The following GPRIN2 variants were observed in gnomAD, a reference collection of about 807,000 sequenced individuals.
GPRIN2 encodes the protein G protein regulated inducer of neurite outgrowth 2.
GPRIN2 carries 1 observed loss-of-function variant against 0.3 expected under a neutral mutation model. The ratio of observed to expected loss-of-function variants is 3.90; its 90% confidence interval spans 1.39 to 18.51. GPRIN2 has a LOEUF of 18.51. Ranked by LOEUF, GPRIN2 falls within the 30% of genes most tolerant of loss-of-function variation. The pLI is 0.11. For missense variants in GPRIN2, 880 were observed against 604.2 expected, an observed-to-expected ratio of 1.46 and a Z score of -4.79; for synonymous variants, 361 against 258.6, an observed-to-expected ratio of 1.40 and a Z score of -3.80.
chr10:46,545,387 C>G lies in GPRIN2; in HGVS notation c.*3973G>C. Among the ~76,000 whole-genome samples the G allele has an allele frequency of 1.3e-5, 2 of 152,428 alleles. No homozygotes were observed. Among genetic ancestry groups the G allele is most frequent in the Middle Eastern group, 3.4e-3 (1 of 294 alleles). On this transcript the variant is annotated 3_prime_UTR_variant, in exon 3 of 3. Coordinates refer to ENST00000374314, the MANE Select transcript of GPRIN2 (RefSeq NM_001385282.1). ...GAGGTGGGACTGCATCCAGGGCTCC[C>G]CTTTAGGGTCTGACTTGGACTGAAA...
chr10:46,549,802 T>C lies in GPRIN2; in HGVS notation c.935A>G (p.Asp312Gly). 1 of 1,614,194 alleles carries C rather than the reference T, an allele frequency of 6.2e-7. No homozygotes were observed. Among genetic ancestry groups the C allele is most frequent in the Non-Finnish European group, 8.5e-7 (1 of 1,180,062 alleles). ...ATTGGCTGAGGTCATGGTCCACACA[T>C]CTTTGGTCCTAGAGCCAGGCTCTGG... Reference protein sequence around the residue: ...LVPEPGSRTKDVWTMTSANDL... With the variant: ...LVPEPGSRTKGVWTMTSANDL... Residue 312 changes from aspartate (D) to glycine (G), a missense_variant, in exon 3 of 3, where the codon GAT (aspartate) becomes GGT (glycine). Asp to Gly is a moderately conservative substitution (Grantham distance 94, BLOSUM62 -1). Coordinates refer to ENST00000374314, the MANE Select transcript of GPRIN2 (RefSeq NM_001385282.1).
chr10:46,545,623 G>A lies in GPRIN2; in HGVS notation c.*3737C>T, dbSNP rs990303651. On this transcript the variant is annotated 3_prime_UTR_variant, in exon 3 of 3. Coordinates refer to ENST00000374314, the MANE Select transcript of GPRIN2 (RefSeq NM_001385282.1). ...CCCAGGCAGGGTGCAAAGCTGTGGGGCGAGGAACCTGGAAAGAGGCTCTGA... is the reference window on the plus strand; with the variant it reads ...CCCAGGCAGGGTGCAAAGCTGTGGGACGAGGAACCTGGAAAGAGGCTCTGA... 1.3e-5 allele frequency among the ~76,000 whole-genome samples: 2 copies of A among 152,424 alleles called. No homozygotes were observed. Among genetic ancestry groups the A allele is most frequent in the South Asian group, 2.1e-4 (1 of 4,832 alleles).
Position 46,544,184 on chromosome 10 carries a change from G to A in GPRIN2, c.*5176C>T, listed in dbSNP as rs1013243270. Among the ~76,000 whole-genome samples, 59 of 152,398 alleles carry A rather than the reference G, an allele frequency of 3.9e-4. No individual in the cohort carries two copies. Among genetic ancestry groups the A allele is most frequent in the African/African-American group, 1.3e-3 (54 of 41,582 alleles). On this transcript the variant is annotated 3_prime_UTR_variant, in exon 3 of 3. Coordinates refer to ENST00000374314, the MANE Select transcript of GPRIN2 (RefSeq NM_001385282.1). The stretch of plus-strand genomic sequence containing the variant: ...AGGGGCTCCATTCCCCTGACCCTCA[G>A]TCACTTCCCAGAAACCACACAGAGG...
rs911201761 is a variant in GPRIN2, at chr10:46,544,049, T to A, written c.*5311A>T. Among the ~76,000 whole-genome samples, 1 of 152,212 alleles carries A rather than the reference T, an allele frequency of 6.6e-6. No individual in the cohort carries two copies. The highest frequency in any genetic ancestry group is 2.4e-5 in the African/African-American group (1 of 41,456). On this transcript the variant is annotated 3_prime_UTR_variant, in exon 3 of 3. Transcript: ENST00000374314. Reference sequence around the variant, plus strand: ...AGCCACAGCAACAGAACTGGCCCCATGTCTCTCAATCAGGGAGGTCCCCAG... The same window carrying A: ...AGCCACAGCAACAGAACTGGCCCCAAGTCTCTCAATCAGGGAGGTCCCCAG...
In GPRIN2 at chr10:46,544,372, G is replaced by A. The variant is rs1441658011; in HGVS notation, c.*4988C>T. On this transcript the variant is annotated 3_prime_UTR_variant, in exon 3 of 3. Transcript: ENST00000374314. ...AGGGTCTGGCTCCGTCATCCAGGCT[G>A]GAGCACAGTGGCACTATCTCGGCTC... Among the ~76,000 whole-genome samples, 1 of 152,310 alleles carries A rather than the reference G, an allele frequency of 6.6e-6. No individual in the cohort carries two copies. The highest frequency in any genetic ancestry group is 1.5e-5 in the Non-Finnish European group (1 of 68,056).
Position 46,554,663 on chromosome 10 carries a change from T to G in GPRIN2, c.-85A>C, listed in dbSNP as rs1192198187. 6.5e-6 allele frequency: 1 copy of G among 153,544 alleles called. No homozygotes were observed. The highest frequency in any genetic ancestry group is 1.4e-5 in the Non-Finnish European group (1 of 69,168). 9.5% of individuals were successfully genotyped at this position (153,544 alleles called of 1,614,324 possible). On this transcript the variant is annotated 5_prime_UTR_variant, in exon 2 of 3. Transcript: ENST00000374314. ...CGATGTCCCGTGGCCAATGCCAGGC[T>G]GTCCTGCTGCCTCAGGTTCCACCTG...
rs1842224480 is a variant in GPRIN2, at chr10:46,547,066, C to T, written c.*2294G>A. On this transcript the variant is annotated 3_prime_UTR_variant, in exon 3 of 3. Transcript: ENST00000374314. ...TAGGTTTCACTGGTCCCAGCCAAAC[C>T]CTGTGGCAGGTGGCCCTTTCTGCAC... Among the ~76,000 whole-genome samples the T allele has an allele frequency of 6.6e-6, 1 of 152,308 alleles. No homozygotes were observed. Among genetic ancestry groups the T allele is most frequent in the Admixed American group, 6.5e-5 (1 of 15,294 alleles).
At position 46,548,752 on chromosome 10, in the gene GPRIN2, G is replaced by C. The variant is rs1473430736; in HGVS notation, c.*608C>G. Among the ~76,000 whole-genome samples the C allele has an allele frequency of 9.2e-5, 14 of 152,306 alleles. No homozygotes were observed. Among genetic ancestry groups the C allele is most frequent in the African/African-American group, 3.4e-4 (14 of 41,484 alleles). On this transcript the variant is annotated 3_prime_UTR_variant, in exon 3 of 3. Coordinates refer to ENST00000374314, the MANE Select transcript of GPRIN2 (RefSeq NM_001385282.1). ...GCTACAGGGCAACACCCACGGCTCA[G>C]CTGGCCCTGGCTTTGGATCTCAGTC...
chr10:46,555,998 C>A (rs111991098), intron 1 of GPRIN2, among the ~76,000 whole-genome samples: 1 of 152,312 alleles, frequency 6.6e-6, no homozygotes, highest in East Asian at 1.9e-4. Flanking sequence ...TGCACAAAGC[C>A]CACCCGGACT....
Position 46,549,773 on chromosome 10 carries a change from A to G in GPRIN2, c.964T>C (p.Leu322=). Residue 322 remains leucine, a synonymous_variant, in exon 3 of 3, where the codon TTG becomes CTG. Transcript: ENST00000374314. ...AGCGGGGATGCCTCTGCAGGGGCCA[A>G]GTCATTGGCTGAGGTCATGGTCCAC... is the stretch of plus-strand genomic sequence containing the variant. ...DVWTMTSAND[L]APAEASPLSA... 1 of 1,614,200 alleles carries G rather than the reference A, an allele frequency of 6.2e-7. No individual in the cohort carries two copies. Among genetic ancestry groups the G allele is most frequent in the Non-Finnish European group, 8.5e-7 (1 of 1,180,044 alleles).
chr10:46,549,962 G>A lies in GPRIN2; in HGVS notation c.775C>T (p.Pro259Ser). The A allele has an allele frequency of 6.2e-7, 1 of 1,614,262 alleles. No individual in the cohort carries two copies. The highest frequency in any genetic ancestry group is 8.5e-7 in the Non-Finnish European group (1 of 1,180,048). ...TCGCTCACTGACGCCACTAGTTTGG[G>A]AAAGGCCAGGATCCCTGTGGCAGGT... ...ALPATGILAF[P>S]KLVASVSESG... Residue 259 changes from proline (P) to serine (S), a missense_variant, in exon 3 of 3, where the codon CCC (proline) becomes TCC (serine). Coordinates refer to ENST00000374314, the MANE Select transcript of GPRIN2 (RefSeq NM_001385282.1).
intron 2 of GPRIN2, among the ~76,000 whole-genome samples, chr10:46,551,866 C>G (rs1234184138): frequency 2.0e-5 from 3 of 152,308 alleles, no homozygotes; most frequent in African/African-American, 7.2e-5. Context: ...CTGCATGGAA[C>G]AGTTTGGCCA....
intron 1 of GPRIN2, among the ~76,000 whole-genome samples, 126 bp downstream of exon 1, chr10:46,556,371 AG>A (rs1255826102): frequency 6.6e-6 from 1 of 152,306 alleles, no homozygotes; most frequent in African/African-American, 2.4e-5. Context: ...GGCGCTGGGC[AG>A]GGGCCAGGAT....
rs1832900127 is a variant in GPRIN2, at chr10:46,546,456, A to G, written c.*2904T>C. Among the ~76,000 whole-genome samples, 39 of 152,422 alleles carry G rather than the reference A, an allele frequency of 2.6e-4. No individual in the cohort carries two copies. In the East Asian group the frequency reaches 7.5e-3, roughly 29 times the overall value. ...CAAGACCAGTCAGGACCGATGCCCC[A>G]TCCCTGCTGGGGTCTGGCAAAGCTC... On this transcript the variant is annotated 3_prime_UTR_variant, in exon 3 of 3. Coordinates refer to ENST00000374314, the MANE Select transcript of GPRIN2 (RefSeq NM_001385282.1).
At position 46,550,722 on chromosome 10, in the gene GPRIN2, G is replaced by A. The variant is rs1832263742; in HGVS notation, c.15C>T (p.Arg5=). MSSS[R]PEPGPWAPLS... The stretch of plus-strand genomic sequence containing the variant: ...GGGGTGCCCAGGGACCCGGCTCGGG[G>A]CGGCTGGAGCTCATGGCTGCCTGCA... The change falls in exon 3 of 3, where the codon CGC becomes CGT. Residue 5 remains arginine, a synonymous_variant. Coordinates refer to ENST00000374314, the MANE Select transcript of GPRIN2 (RefSeq NM_001385282.1). 3.3e-6 allele frequency: 5 copies of A among 1,509,074 alleles called. No homozygotes were observed. In the South Asian group the frequency reaches 5.5e-5, roughly 16 times the overall value. The allele number at this position is 1,509,074 out of a possible 1,614,324, so 93.5% of individuals were successfully genotyped here.
intron 1 of GPRIN2, among the ~76,000 whole-genome samples, chr10:46,556,174 G>A (rs1271920713): frequency 6.6e-6 from 1 of 152,306 alleles, no homozygotes; most frequent in African/African-American, 2.4e-5. Flanking sequence ...GCAGTAGGCT[G>A]AGGGAGGGGA....
rs1377239645 is a variant in GPRIN2, at chr10:46,543,198, G to C, written c.*6162C>G. Among the ~76,000 whole-genome samples, 2 of 152,306 alleles carry C rather than the reference G, an allele frequency of 1.3e-5. No homozygotes were observed. Among genetic ancestry groups the C allele is most frequent in the Non-Finnish European group, 2.9e-5 (2 of 68,056 alleles). On this transcript the variant is annotated 3_prime_UTR_variant, in exon 3 of 3. Transcript: ENST00000374314. ...GACCCATGTAAATCACAAATGCCAA[G>C]ACCCAGACACAGCCACAGCTGGGGG... is the stretch of plus-strand genomic sequence containing the variant.
Position 46,550,113 on chromosome 10 carries a change from G to C in GPRIN2, c.624C>G (p.Ser208Arg). Residue 208 changes from serine to arginine, a missense_variant, in exon 3 of 3, where the codon AGC becomes AGG. Coordinates refer to ENST00000374314, the MANE Select transcript of GPRIN2 (RefSeq NM_001385282.1). ...PLDLGDTTAHSSSAQAEPKAA... is the reference protein window; with the variant it reads ...PLDLGDTTAHRSSAQAEPKAA... ...CTTTGGGCTCAGCCTGGGCACTGCT[G>C]CTGTGGGCAGTTGTGTCCCCCAGGT... 1 of 1,610,752 alleles carries C rather than the reference G, an allele frequency of 6.2e-7. No individual in the cohort carries two copies. Among genetic ancestry groups the C allele is most frequent in the East Asian group, 2.2e-5 (1 of 44,836 alleles).
At position 46,555,970 on chromosome 10, in the gene GPRIN2, C is replaced by T. The variant is rs1831865919; in HGVS notation, c.-118+528G>A. 5.9e-5 allele frequency among the ~76,000 whole-genome samples: 9 copies of T among 152,418 alleles called. No homozygotes were observed. In the East Asian group the frequency reaches 1.5e-3, roughly 26 times the overall value. On this transcript the variant is annotated intron_variant, in intron 1 of 2. Coordinates refer to ENST00000374314, the MANE Select transcript of GPRIN2 (RefSeq NM_001385282.1). ...CACCACGCAGCCTCGCCCAGAATAG[C>T]TCCCCTCCCGCCCCTCCTGCACAAA... is the stretch of plus-strand genomic sequence containing the variant.
Sources: allele counts gnomAD v4.1 joint callset (sites outside exome capture counted in the v4.1 genomes callset), GRCh38; gene constraint gnomAD v4.1.1; transcripts MANE v1.5; gene names NCBI Gene and HGNC (gene_info 2026-07-23, HGNC 2026-07-21).